The following SLC23A2 variants were observed in gnomAD, a reference collection of about 807,000 sequenced individuals.
SLC23A2 encodes solute carrier family 23 member 2.
Under a neutral mutation model 73.3 loss-of-function variants are expected in SLC23A2, and 36 were observed. That is an observed-to-expected ratio of 0.49 (90% CI 0.38 to 0.65). The LOEUF is 0.65. Among genes scored for constraint, SLC23A2 ranks in the 30% least tolerant of loss-of-function variants. The pLI, the probability that SLC23A2 is intolerant of heterozygous loss-of-function variation, is 0.00. For synonymous variants in SLC23A2, 343 were observed against 327.3 expected, an observed-to-expected ratio of 1.05 and a Z score of -0.52; for missense variants, 507 against 841.6, an observed-to-expected ratio of 0.60 and a Z score of 4.92.
chr20:4,903,229 T>C (rs970483440), intron 4 of SLC23A2, among the ~76,000 whole-genome samples: 1 of 152,188 alleles, frequency 6.6e-6, no homozygotes, highest in South Asian at 2.1e-4. Flanking sequence ...AAACATTAAG[T>C]GTGGCATGGT....
chr20:4,974,551 G>T lies in SLC23A2; in HGVS notation c.-281-3632C>A, dbSNP rs941134528. Among the ~76,000 whole-genome samples the T allele has an allele frequency of 3.6e-4, 54 of 151,354 alleles. 1 individual carries two copies. The highest frequency in any genetic ancestry group is 2.9e-5 in the Non-Finnish European group (2 of 67,990). On this transcript the variant is annotated intron_variant, in intron 1 of 16. Transcript: ENST00000338244. ...CAATGCAAATTAAAAGATACTTCCT[G>T]AATATGACAAATATCTTCTGAAAAC... is the stretch of plus-strand genomic sequence containing the variant.
intron 4 of SLC23A2, among the ~76,000 whole-genome samples, chr20:4,908,043 A>G (rs548032575): frequency 2.8e-4 from 42 of 152,332 alleles, no homozygotes; most frequent in African/African-American, 9.6e-4. Flanking sequence ...GCTCCGTGCT[A>G]AGAGGAAAAA....
At chr20:4,936,299 C>A (rs967956483) in intron 2 of SLC23A2, among the ~76,000 whole-genome samples, 1 of 152,046 alleles carries the variant, frequency 6.6e-6, no homozygotes, top group African/African-American at 2.4e-5. Flanking sequence ...GAAAATAAAA[C>A]GGGCAAATAG....
chr20:4,864,020 T>A (rs1400115027), intron 13 of SLC23A2, among the ~76,000 whole-genome samples: 1 of 152,132 alleles, frequency 6.6e-6, no homozygotes, highest in Non-Finnish European at 1.5e-5. Flanking sequence ...ATCCCCTGGG[T>A]TCCCGGCACC....
At chr20:4,925,233 T>C (rs1047350365) in intron 3 of SLC23A2, among the ~76,000 whole-genome samples, 5 of 151,960 alleles carry the variant, frequency 3.3e-5, no homozygotes, top group South Asian at 2.1e-4. Flanking sequence ...TGTCTGTTCA[T>C]TGCTGTTCTC....
chr20:4,946,713 G>A (rs1380073370), intron 2 of SLC23A2, among the ~76,000 whole-genome samples: 10 of 152,062 alleles, frequency 6.6e-5, no homozygotes, highest in South Asian at 2.1e-4. Context: ...TGCTGCCATC[G>A]AATTATGCAT....
intron 11 of SLC23A2, among the ~76,000 whole-genome samples, chr20:4,871,123 T>C (rs1280019670): frequency 6.6e-6 from 1 of 152,192 alleles, no homozygotes; most frequent in Non-Finnish European, 1.5e-5. Flanking sequence ...GTAGCCCTTC[T>C]TCCGTTGAAG....
intron 6 of SLC23A2, among the ~76,000 whole-genome samples, chr20:4,886,213 A>G (rs528536750): frequency 7.2e-4 from 110 of 152,298 alleles, no homozygotes; most frequent in African/African-American, 2.5e-3. Flanking sequence ...CAGGCGGGAG[A>G]CTGCGGGCAT....
At chr20:5,007,023 A>G (rs2088199669) in intron 1 of SLC23A2, among the ~76,000 whole-genome samples, 1 of 151,952 alleles carries the variant, frequency 6.6e-6, no homozygotes. Flanking sequence ...TGTTTCAAGT[A>G]GCAAAACAAA....
chr20:4,865,811 CTTTAT>C (rs1930170810), intron 13 of SLC23A2, among the ~76,000 whole-genome samples: 1 of 152,138 alleles, frequency 6.6e-6, no homozygotes, highest in Middle Eastern at 3.4e-3. Flanking sequence ...CTCCAATATA[CTTTAT>C]TTTATTTATA....
intron 13 of SLC23A2, among the ~76,000 whole-genome samples, chr20:4,865,816 T>C (rs1025725523): frequency 6.6e-6 from 1 of 152,056 alleles, no homozygotes; most frequent in African/African-American, 2.4e-5. Flanking sequence ...ATATACTTTA[T>C]TTTATTTATA....
chr20:4,975,299 C>T (rs1487425084), intron 1 of SLC23A2, among the ~76,000 whole-genome samples: 1 of 152,082 alleles, frequency 6.6e-6, no homozygotes, highest in Non-Finnish European at 1.5e-5. Context: ...TGTATTTCTT[C>T]ATTGGTGCAG....
intron 3 of SLC23A2, among the ~76,000 whole-genome samples, chr20:4,927,397 C>T (rs527838657): frequency 1.1e-4 from 16 of 152,282 alleles, no homozygotes; most frequent in African/African-American, 3.4e-4. Flanking sequence ...GTATACCCAA[C>T]GGTGAGACCC....
chr20:4,975,010 C>A (rs978246744), intron 1 of SLC23A2, among the ~76,000 whole-genome samples: 10 of 152,166 alleles, frequency 6.6e-5, no homozygotes, highest in African/African-American at 2.4e-4. Flanking sequence ...TGGTCTTGAA[C>A]TCCTGACCTC....
At chr20:5,005,753 C>T (rs550454758), upstream of SLC23A2, among the ~76,000 whole-genome samples, 100 of 152,176 alleles carry the variant, frequency 6.6e-4, no homozygotes, top group African/African-American at 2.2e-3. Flanking sequence ...TTTGGGAGGC[C>T]GAGATGGGTG....
At chr20:4,896,314 G>T (rs1020908942) in intron 6 of SLC23A2, among the ~76,000 whole-genome samples, 2 of 152,146 alleles carry the variant, frequency 1.3e-5, no homozygotes, top group Non-Finnish European at 2.9e-5. Context: ...GTCTGAGGCC[G>T]TGCGGAGCAG....
At chr20:5,002,050 G>A (rs542385834), upstream of SLC23A2, among the ~76,000 whole-genome samples, 3 of 152,154 alleles carry the variant, frequency 2.0e-5, no homozygotes, top group Admixed American at 6.5e-5. Context: ...TTCTCTGGGG[G>A]TCGTGTTAGG....
chr20:4,933,604 G>A (rs538438901), intron 2 of SLC23A2, among the ~76,000 whole-genome samples: 75 of 152,062 alleles, frequency 4.9e-4, no homozygotes, highest in African/African-American at 1.4e-3. Context: ...ACTCTAGCCC[G>A]GATGATAGAG....
chr20:4,972,250 G>T (rs72552243), intron 1 of SLC23A2, among the ~76,000 whole-genome samples: 2,718 of 152,034 alleles, frequency 0.018, 82 homozygotes, highest in African/African-American at 0.061. Context: ...ATTTGTTCTT[G>T]GGCAAGTTAG....
Sources: allele counts gnomAD v4.1 joint callset (sites outside exome capture counted in the v4.1 genomes callset), GRCh38; gene constraint gnomAD v4.1.1; transcripts MANE v1.5; gene names NCBI Gene and HGNC (gene_info 2026-07-23, HGNC 2026-07-21).